KCNQ3: variants seen among roughly 807,000 people sequenced by gnomAD.
The protein encoded by KCNQ3 is potassium voltage-gated channel subfamily Q member 3.
A neutral mutation model predicts 92.5 loss-of-function variants in KCNQ3; 30 were observed. The ratio of observed to expected loss-of-function variants is 0.32; its 90% CI spans 0.24 to 0.44. KCNQ3 has a LOEUF of 0.44. Among genes scored for constraint, KCNQ3 ranks in the 20% least tolerant of loss-of-function variants. The pLI, the probability that KCNQ3 is intolerant of heterozygous loss-of-function variation, is 1.00. For missense variants in KCNQ3, 913 were observed against 1,140.3 expected, an observed-to-expected ratio of 0.80 and a Z score of 2.87; for synonymous variants, 450 against 468.8, an observed-to-expected ratio of 0.96 and a Z score of 0.52.
rs559276163 is a variant in KCNQ3 at position 132,362,299 on chromosome 8, G to T, written c.386+117848C>A. Among the ~76,000 whole-genome samples the T allele has an allele frequency of 1.2e-4, 18 of 152,174 alleles. No homozygotes were observed. The South Asian group carries it at 3.7e-3, about 32-fold the overall frequency. On this transcript the variant is annotated intron_variant, in intron 1 of 14. Coordinates refer to ENST00000388996, the MANE Select transcript of KCNQ3 (RefSeq NM_004519.4). ...TCTACCAAAAGATTCCAAACATGGG[G>T]TGTTATTTTTCTAAGAACGTCACAT... is the stretch of plus-strand genomic sequence containing the variant.
At chr8:132,476,605 A>G (rs1429553530) in intron 1 of KCNQ3, among the ~76,000 whole-genome samples, 2 of 152,056 alleles carry the variant, frequency 1.3e-5, no homozygotes, top group African/African-American at 2.4e-5. Context: ...GTTTTGGCCA[A>G]TTTCTCCCGT....
At chr8:132,325,074 C>T (rs1228302066) in intron 1 of KCNQ3, among the ~76,000 whole-genome samples, 1 of 151,706 alleles carries the variant, frequency 6.6e-6, no homozygotes, top group Non-Finnish European at 1.5e-5. Flanking sequence ...TGCCACACAA[C>T]ACAGCTTGGT....
chr8:132,331,090 A>T (rs1220331272), intron 1 of KCNQ3, among the ~76,000 whole-genome samples: 2 of 152,134 alleles, frequency 1.3e-5, no homozygotes, highest in African/African-American at 4.8e-5. Context: ...GAGAAGCACT[A>T]TTGCTAACAC....
chr8:132,329,316 G>A (rs1818161740), intron 1 of KCNQ3, among the ~76,000 whole-genome samples: 1 of 152,166 alleles, frequency 6.6e-6, no homozygotes, highest in African/African-American at 2.4e-5. Context: ...GCCCCACCAT[G>A]TGCTGCAACC....
At chr8:132,427,966 C>T (rs949667743) in intron 1 of KCNQ3, among the ~76,000 whole-genome samples, 2 of 152,204 alleles carry the variant, frequency 1.3e-5, no homozygotes, top group Admixed American at 6.5e-5. Context: ...AGCAATCATA[C>T]CCAAGTCTTA....
intron 1 of KCNQ3, among the ~76,000 whole-genome samples, chr8:132,348,581 T>C (rs1818765046): frequency 6.6e-6 from 1 of 152,192 alleles, no homozygotes; most frequent in African/African-American, 2.4e-5. Flanking sequence ...TTGTATTCCA[T>C]TTAAATTAGT....
intron 1 of KCNQ3, among the ~76,000 whole-genome samples, chr8:132,190,143 G>A (rs1157330025): frequency 6.6e-6 from 1 of 152,122 alleles, no homozygotes; most frequent in East Asian, 1.9e-4. Context: ...GGCAGGAAAA[G>A]GAGTCCTTAG....
chr8:132,175,855 C>T (rs893597250), intron 4 of KCNQ3, among the ~76,000 whole-genome samples: 1 of 152,164 alleles, frequency 6.6e-6, no homozygotes, highest in African/African-American at 2.4e-5. Flanking sequence ...TAGCTTAGGG[C>T]CACTTCAATA....
chr8:132,351,507 G>A (rs991724157), intron 1 of KCNQ3, among the ~76,000 whole-genome samples: 7 of 152,134 alleles, frequency 4.6e-5, no homozygotes, highest in African/African-American at 9.7e-5. Flanking sequence ...TGAAGCCCAC[G>A]GAGGAGGCCC....
intron 14 of KCNQ3, 130 bp downstream of exon 14, chr8:132,132,050 T>A: frequency 1.4e-6 from 1 of 694,362 alleles, no homozygotes; most frequent in East Asian, 2.8e-5. Context: ...ATCGCGCCAT[T>A]GCACTCCAGC....
intron 1 of KCNQ3, among the ~76,000 whole-genome samples, chr8:132,246,382 GA>G (rs777890154): frequency 2.6e-4 from 39 of 152,364 alleles, no homozygotes; most frequent in Non-Finnish European, 4.7e-4. Flanking sequence ...AAAGTTAACA[GA>G]AATAGGAGGT....
chr8:132,443,524 G>A (rs1821593929), intron 1 of KCNQ3, among the ~76,000 whole-genome samples: 1 of 151,906 alleles, frequency 6.6e-6, no homozygotes, highest in Non-Finnish European at 1.5e-5. Context: ...AAGATACATG[G>A]AGAAAAGGGC....
Position 132,342,390 on chromosome 8 carries a change from G to A in KCNQ3, c.386+137757C>T, listed in dbSNP as rs146064396. 9.0e-3 allele frequency among the ~76,000 whole-genome samples: 1,356 copies of A among 151,124 alleles called. 16 individuals are homozygous for A. The highest frequency in any genetic ancestry group is 0.013 in the Non-Finnish European group (856 of 67,922). On this transcript the variant is annotated intron_variant, in intron 1 of 14. Transcript: ENST00000388996. The stretch of plus-strand genomic sequence containing the variant: ...CCACCATCAAATTTCCCCAATTCTC[G>A]CCTTCTCAGGTGCGGTGCCAGAGTA...
At chr8:132,135,183 G>C (rs138472430) in intron 12 of KCNQ3, among the ~76,000 whole-genome samples, 204 of 152,274 alleles carry the variant, frequency 1.3e-3, no homozygotes, top group African/African-American at 4.6e-3. Context: ...ATGGTTTTCT[G>C]TTCCTGCATT....
At chr8:132,283,627 C>A (rs912616065) in intron 1 of KCNQ3, among the ~76,000 whole-genome samples, 1 of 152,212 alleles carries the variant, frequency 6.6e-6, no homozygotes, top group African/African-American at 2.4e-5. Flanking sequence ...GATTCCTGAT[C>A]CCCCTTGTCA....
At chr8:132,241,241 T>C (rs1450093349) in intron 1 of KCNQ3, among the ~76,000 whole-genome samples, 1 of 152,108 alleles carries the variant, frequency 6.6e-6, no homozygotes, top group Non-Finnish European at 1.5e-5. Context: ...AAAATAGCCT[T>C]AGAAATGTTA....
intron 1 of KCNQ3, among the ~76,000 whole-genome samples, chr8:132,368,112 C>T (rs1192268583): frequency 6.6e-6 from 1 of 152,136 alleles, no homozygotes; most frequent in Non-Finnish European, 1.5e-5. Context: ...TTCTTGGAAA[C>T]CAAGACTTTA....
chr8:132,387,357 G>A (rs1231313897), intron 1 of KCNQ3, among the ~76,000 whole-genome samples: 1 of 152,190 alleles, frequency 6.6e-6, no homozygotes, highest in Non-Finnish European at 1.5e-5. Flanking sequence ...CAAGTTTGAT[G>A]TCGTTCCCAA....
intron 13 of KCNQ3, 95 bp from the exon 14 acceptor site, chr8:132,132,359 G>A (rs544275418): frequency 2.4e-5 from 21 of 882,856 alleles, no homozygotes; most frequent in African/African-American, 6.6e-5. Flanking sequence ...CAGAGCCATC[G>A]TTCTCACCCT....
Sources: allele counts gnomAD v4.1 joint callset (sites outside exome capture counted in the v4.1 genomes callset), GRCh38; gene constraint gnomAD v4.1.1; transcripts MANE v1.5; gene names NCBI Gene and HGNC (gene_info 2026-07-23, HGNC 2026-07-21).